Variants in PAFAH2 observed in about 807,000 individuals in gnomAD.
PAFAH2 encodes platelet activating factor acetylhydrolase 2.
In PAFAH2, 42 loss-of-function variants were observed where a neutral mutation model predicts 49.0. That is an observed-to-expected ratio of 0.86 (90% CI 0.67 to 1.11). The LOEUF is 1.11. Ranked by LOEUF, PAFAH2 falls within the 50% of genes least tolerant of loss-of-function variation. PAFAH2 has a pLI of 0.00. For synonymous variants in PAFAH2, 184 were observed against 181.3 expected, an observed-to-expected ratio of 1.01 and a Z score of -0.12; for missense variants, 503 against 501.8, an observed-to-expected ratio of 1.00 and a Z score of -0.02.
At chr1:25,972,378 G>A (rs1322329070) in intron 10 of PAFAH2, among the ~76,000 whole-genome samples, 180 bp downstream of exon 10, 28 of 151,956 alleles carry the variant, frequency 1.8e-4, no homozygotes, top group African/African-American at 4.1e-4. Flanking sequence ...GATTACAGGC[G>A]TGAGCCACTG....
In PAFAH2 at chr1:25,965,661, C is replaced by T. The variant is rs755663608; in HGVS notation, c.1085-3578G>A. On this transcript the variant is annotated intron_variant, in intron 10 of 10. Coordinates refer to ENST00000374282, the MANE Select transcript of PAFAH2 (RefSeq NM_000437.4). ...TGAAACCCTGTCTCTATTAAAAATA[C>T]GAAAAAATCAGCCAGGCATGGTGGC... Among the ~76,000 whole-genome samples, 5 of 151,168 alleles carry T rather than the reference C, an allele frequency of 3.3e-5. No homozygotes were observed. In the East Asian group the frequency reaches 7.8e-4, roughly 23 times the overall value.
chr1:25,983,877 C>T (rs1405460856), intron 6 of PAFAH2, 69 bp downstream of exon 6: 1 of 1,538,532 alleles, frequency 6.5e-7, no homozygotes, highest in Non-Finnish European at 8.9e-7. Flanking sequence ...AACTAAAAGT[C>T]TTGCTATCAA....
chr1:25,968,666 A>G (rs2049464037), intron 10 of PAFAH2, among the ~76,000 whole-genome samples: 1 of 152,074 alleles, frequency 6.6e-6, no homozygotes, highest in South Asian at 2.1e-4. Context: ...GTGACAATGT[A>G]CTGTGTGCCT....
intron 10 of PAFAH2, among the ~76,000 whole-genome samples, chr1:25,963,028 A>C (rs1453323095): frequency 6.6e-6 from 1 of 152,132 alleles, no homozygotes; most frequent in African/African-American, 2.4e-5. Flanking sequence ...CACAGCCAAT[A>C]GGGGTAACTA....
chr1:25,984,578 C>G lies in PAFAH2; in HGVS notation c.342-50G>C, dbSNP rs139975768. ...AAAAGGGATCAAAAGAACAGCCCAG[C>G]CTTCACCCTCATTCCAACAATGCTC... is the stretch of plus-strand genomic sequence containing the variant. On this transcript the variant is annotated intron_variant, in intron 4 of 10. Coordinates refer to ENST00000374282, the MANE Select transcript of PAFAH2 (RefSeq NM_000437.4). 7.6e-4 allele frequency: 1,082 copies of G among 1,423,158 alleles called. 8 individuals are homozygous for G. The African/African-American group carries it at 0.013, about 17-fold the overall frequency. The allele number at this position is 1,423,158 out of a possible 1,614,324, so 88.2% of individuals were successfully genotyped here. A position where few individuals can be genotyped will look rare whatever the true frequency, so the allele number is the denominator to read the frequency against.
rs111687524 is a variant in PAFAH2, at chr1:25,982,543, C to G, written c.553-66G>C. 9.6e-5 allele frequency: 118 copies of G among 1,226,800 alleles called. No individual in the cohort carries two copies. The African/African-American group carries it at 1.5e-3, about 16-fold the overall frequency. The allele number at this position is 1,226,800 out of a possible 1,614,324, so 76.0% of individuals were successfully genotyped here. A position where few individuals can be genotyped will look rare whatever the true frequency, so the allele number is the denominator to read the frequency against. On this transcript the variant is annotated intron_variant, in intron 6 of 10. Coordinates refer to ENST00000374282, the MANE Select transcript of PAFAH2 (RefSeq NM_000437.4). The stretch of plus-strand genomic sequence containing the variant: ...AACTGTCCAGCGAGAATCTCCCTCA[C>G]GTACAGAGCCAAGGAAGAATGCACA...
At chr1:25,997,035 A>C (rs576388470) in intron 1 of PAFAH2, among the ~76,000 whole-genome samples, 8 of 152,346 alleles carry the variant, frequency 5.3e-5, no homozygotes, top group African/African-American at 1.9e-4. Flanking sequence ...GATGGGGCTT[A>C]GGTTGCAGCT....
chr1:25,976,181 T>C (rs2049586256), intron 8 of PAFAH2, among the ~76,000 whole-genome samples: 1 of 152,206 alleles, frequency 6.6e-6, no homozygotes, highest in Non-Finnish European at 1.5e-5. Context: ...TCTTGCTCTA[T>C]TGCCCAGGCT....
Position 25,989,458 on chromosome 1 carries a change from G to C in PAFAH2, c.234C>G (p.Asn78Lys). 1 of 1,599,576 alleles carries C rather than the reference G, an allele frequency of 6.3e-7. No homozygotes were observed. The highest frequency in any genetic ancestry group is 8.5e-7 in the Non-Finnish European group (1 of 1,172,778). Residue 78 changes from asparagine (N) to lysine (K), a missense_variant, in exon 3 of 11, where the codon AAC becomes AAG. Physicochemically the swap from Asn to Lys is moderately conservative, Grantham distance 94. Transcript: ENST00000374282. ...FNKRCGGLLF[N>K]LAVGSCRLPV... The stretch of plus-strand genomic sequence containing the variant: ...CAGGCCAGCCCTTACCCACCGCCAG[G>C]TTGAACAGCAAGCCCCCGCAGCGCT...
At chr1:25,966,088 G>A (rs946194795) in intron 10 of PAFAH2, among the ~76,000 whole-genome samples, 1 of 110,892 alleles carries the variant, frequency 9.0e-6, no homozygotes, top group Non-Finnish European at 2.2e-5. Context: ...ACACCAGTCA[G>A]AATGGCCATT....
chr1:25,970,021 G>A (rs1009828820), intron 10 of PAFAH2, among the ~76,000 whole-genome samples: 1 of 152,112 alleles, frequency 6.6e-6, no homozygotes, highest in African/African-American at 2.4e-5. Context: ...AAACGAACAG[G>A]CAGAAATATA....
chr1:25,969,386 C>A (rs1007226037), intron 10 of PAFAH2, among the ~76,000 whole-genome samples: 1 of 152,226 alleles, frequency 6.6e-6, no homozygotes, highest in African/African-American at 2.4e-5. Flanking sequence ...TGAGTGCCTA[C>A]TGTGGCCATG....
Position 25,990,806 on chromosome 1 carries a change from T to G in PAFAH2, c.11A>C (p.Asn4Thr). 6.2e-7 allele frequency: 1 copy of G among 1,613,914 alleles called. No homozygotes were observed. Among genetic ancestry groups the G allele is most frequent in the East Asian group, 2.2e-5 (1 of 44,876 alleles). Residue 4 changes from asparagine to threonine, a missense_variant, in exon 2 of 11, where the codon AAC becomes ACC. Coordinates refer to ENST00000374282, the MANE Select transcript of PAFAH2 (RefSeq NM_000437.4). Reference sequence around the variant, plus strand: ...GACAGGTGGAAAGCCCACAGACTGGTTGACCCCCATTTCATCACCGGGTGA... The same window carrying G: ...GACAGGTGGAAAGCCCACAGACTGGGTGACCCCCATTTCATCACCGGGTGA... MGV[N>T]QSVGFPPVTG...
chr1:25,978,411 T>C (rs1419431350), intron 7 of PAFAH2, among the ~76,000 whole-genome samples: 1 of 152,188 alleles, frequency 6.6e-6, no homozygotes, highest in African/African-American at 2.4e-5. Context: ...CACCTGGCGC[T>C]GTATATTTTT....
At chr1:25,979,340 T>C (rs941550826) in intron 7 of PAFAH2, among the ~76,000 whole-genome samples, 2 of 149,372 alleles carry the variant, frequency 1.3e-5, no homozygotes. Context: ...TTTTTTGAGA[T>C]AGTCTTGCTT....
chr1:25,984,005 A>G lies in PAFAH2; in HGVS notation c.493T>C (p.Trp165Arg). 6.2e-7 allele frequency: 1 copy of G among 1,614,072 alleles called. No homozygotes were observed. Among genetic ancestry groups the G allele is most frequent in the Non-Finnish European group, 8.5e-7 (1 of 1,179,960 alleles). ...TCCTCAACTCGACGGAAAGGGATCC[A>G]TTCCTCCTGCAGCGATTCATTGGTG... The part of the protein sequence containing the change: ...QPTNESLQEE[W>R]IPFRRVEEGE... Residue 165 changes from tryptophan (W) to arginine (R), a missense_variant, in exon 6 of 11, where the codon TGG (tryptophan) becomes CGG (arginine). Trp to Arg is a moderately radical substitution (Grantham distance 101, BLOSUM62 -3). Coordinates refer to ENST00000374282, the MANE Select transcript of PAFAH2 (RefSeq NM_000437.4).
intron 10 of PAFAH2, among the ~76,000 whole-genome samples, chr1:25,962,821 G>GAAA (rs112823048): frequency 9.5e-6 from 1 of 105,316 alleles, no homozygotes. Context: ...CCATGTCTCA[G>GAAA]AAAAAAAAAA....
intron 3 of PAFAH2, among the ~76,000 whole-genome samples, chr1:25,989,086 A>G (rs1184055611): frequency 5.3e-5 from 8 of 152,154 alleles, no homozygotes; most frequent in Admixed American, 5.2e-4. Context: ...CATGCTAAAC[A>G]AAGGAGCAAT....
In PAFAH2 at chr1:25,990,747, T is replaced by A. The variant is rs1477782815; in HGVS notation, c.70A>T (p.Met24Leu). ...CTTACCTGGAGATTCTGACCCTCCA[T>A]CACATCCCCACAGCCTACGAGGTGG... ...GPHLVGCGDV[M>L]EGQNLQGSFF... is the part of the protein sequence containing the mutation. Residue 24 changes from methionine (M) to leucine (L), a missense_variant, in exon 2 of 11, where the codon ATG (methionine) becomes TTG (leucine). Coordinates refer to ENST00000374282, the MANE Select transcript of PAFAH2 (RefSeq NM_000437.4). The A allele has an allele frequency of 1.9e-6, 3 of 1,613,822 alleles. No individual in the cohort carries two copies. The highest frequency in any genetic ancestry group is 1.7e-6 in the Non-Finnish European group (2 of 1,179,840).
Sources: allele counts gnomAD v4.1 joint callset (sites outside exome capture counted in the v4.1 genomes callset), GRCh38; gene constraint gnomAD v4.1.1; transcripts MANE v1.5; gene names NCBI Gene and HGNC (gene_info 2026-07-23, HGNC 2026-07-21).